The following NPAS3 variants were observed in gnomAD, a reference collection of about 807,000 sequenced individuals.
NPAS3 encodes neuronal PAS domain protein 3.
NPAS3 carries 14 observed loss-of-function variants against 73.1 expected under a neutral mutation model. The observed-to-expected ratio is 0.19, with a 90% CI of 0.13 to 0.30. The LOEUF (loss-of-function observed/expected upper bound fraction) is 0.30, where lower values mean the gene tolerates loss of function less well. Ranked by LOEUF, NPAS3 falls within the 10% of genes least tolerant of loss-of-function variation. NPAS3 has a pLI of 1.00. For synonymous variants in NPAS3, 620 were observed against 541.5 expected, an observed-to-expected ratio of 1.14 and a Z score of -2.01; for missense variants, 1,096 against 1,250.0, an observed-to-expected ratio of 0.88 and a Z score of 1.86.
intron 7 of NPAS3, among the ~76,000 whole-genome samples, chr14:33,756,116 T>A (rs534571050): frequency 6.6e-6 from 1 of 152,318 alleles, no homozygotes; most frequent in Admixed American, 6.5e-5. Context: ...ATTATCCAAC[T>A]TTGAGTTTGA....
chr14:33,617,813 C>T (rs973176721), intron 5 of NPAS3, among the ~76,000 whole-genome samples: 1 of 152,090 alleles, frequency 6.6e-6, no homozygotes, highest in African/African-American at 2.4e-5. Flanking sequence ...AGACAAAGAC[C>T]ATTCTTTCAT....
At chr14:32,944,621 C>A (rs953695525) in intron 1 of NPAS3, among the ~76,000 whole-genome samples, 1 of 152,040 alleles carries the variant, frequency 6.6e-6, no homozygotes. Flanking sequence ...ATTTTTACTG[C>A]GCTGAGCCTC....
intron 4 of NPAS3, among the ~76,000 whole-genome samples, chr14:33,471,867 C>T (rs1210576296): frequency 1.3e-5 from 2 of 152,338 alleles, no homozygotes; most frequent in East Asian, 3.9e-4. Flanking sequence ...TTTACAGCCG[C>T]TCCCTATCAC....
chr14:33,409,258 G>A (rs1171000536), intron 4 of NPAS3, among the ~76,000 whole-genome samples: 1 of 152,096 alleles, frequency 6.6e-6, no homozygotes, highest in Non-Finnish European at 1.5e-5. Flanking sequence ...CTGATTAGAG[G>A]TGCAGAAATA....
At position 33,772,810 on chromosome 14, in the gene NPAS3, G is replaced by A. The variant is rs555667168; in HGVS notation, c.853-1527G>A. Among the ~76,000 whole-genome samples, 40 of 152,198 alleles carry A rather than the reference G, an allele frequency of 2.6e-4. No individual in the cohort carries two copies. In the South Asian group the frequency reaches 8.3e-3, roughly 32 times the overall value. ...AACATCTTCAAATATTCATAAAGTA[G>A]CTCATCTGACCAAAGCTTAAAGCAA... is the stretch of plus-strand genomic sequence containing the variant. On this transcript the variant is annotated intron_variant, in intron 7 of 11. Coordinates refer to ENST00000356141, the Ensembl canonical transcript of NPAS3.
chr14:33,484,094 A>T (rs1428239848), intron 4 of NPAS3, among the ~76,000 whole-genome samples: 1 of 152,188 alleles, frequency 6.6e-6, no homozygotes, highest in Non-Finnish European at 1.5e-5. Context: ...TATATTTTTG[A>T]TAAGGGATGT....
At chr14:33,553,926 C>T (rs982770238) in intron 4 of NPAS3, among the ~76,000 whole-genome samples, 7 of 152,132 alleles carry the variant, frequency 4.6e-5, no homozygotes, top group African/African-American at 1.7e-4. Context: ...AGCAGTATAG[C>T]ATCACTTCCT....
chr14:33,094,036 G>A (rs535293750), intron 2 of NPAS3, among the ~76,000 whole-genome samples: 1 of 152,032 alleles, frequency 6.6e-6, no homozygotes, highest in South Asian at 2.1e-4. Context: ...TTTAATGGGT[G>A]CAGCACACCA....
intron 4 of NPAS3, among the ~76,000 whole-genome samples, chr14:33,509,832 C>T (rs1371899660): frequency 6.6e-6 from 1 of 152,018 alleles, no homozygotes; most frequent in Non-Finnish European, 1.5e-5. Flanking sequence ...TAGACGCTAT[C>T]AGACTATGTT....
intron 2 of NPAS3, among the ~76,000 whole-genome samples, chr14:33,069,297 CA>C (rs1303331794): frequency 6.6e-6 from 1 of 152,156 alleles, no homozygotes; most frequent in Non-Finnish European, 1.5e-5. Flanking sequence ...TGAAGCATGA[CA>C]AAAACTTATA....
intron 7 of NPAS3, among the ~76,000 whole-genome samples, chr14:33,766,247 C>G (rs1385869662): frequency 6.6e-6 from 1 of 152,162 alleles, no homozygotes; most frequent in African/African-American, 2.4e-5. Context: ...TAGGCCTTGA[C>G]TTCTTTCCTT....
chr14:33,438,765 TAAG>T (rs1278564679), intron 4 of NPAS3, among the ~76,000 whole-genome samples: 1 of 152,138 alleles, frequency 6.6e-6, no homozygotes, highest in African/African-American at 2.4e-5. Context: ...TAAGATAAAA[TAAG>T]AAACAATCAT....
intron 4 of NPAS3, among the ~76,000 whole-genome samples, chr14:33,414,927 A>G (rs1273122065): frequency 6.6e-6 from 1 of 152,142 alleles, no homozygotes; most frequent in East Asian, 1.9e-4. Flanking sequence ...AGACATTTGA[A>G]TGGTAGAATT....
intron 1 of NPAS3, among the ~76,000 whole-genome samples, chr14:33,052,112 T>C (rs1054974267): frequency 6.6e-6 from 1 of 152,146 alleles, no homozygotes. Context: ...TATAAGTAGG[T>C]TTTGAATTTC....
At chr14:33,161,672 G>A (rs1236902310) in intron 2 of NPAS3, among the ~76,000 whole-genome samples, 1 of 152,222 alleles carries the variant, frequency 6.6e-6, no homozygotes, top group Non-Finnish European at 1.5e-5. Context: ...GATAATGAGA[G>A]AGATCAATAG....
chr14:33,124,685 C>A (rs2043360903), intron 2 of NPAS3, among the ~76,000 whole-genome samples: 1 of 151,986 alleles, frequency 6.6e-6, no homozygotes, highest in African/African-American at 2.4e-5. Context: ...GGGAGAAAAC[C>A]TTAACTCAGG....
intron 3 of NPAS3, among the ~76,000 whole-genome samples, chr14:33,317,681 G>A (rs1255619170): frequency 6.6e-6 from 1 of 152,008 alleles, no homozygotes; most frequent in East Asian, 1.9e-4. Flanking sequence ...GAAGAAGGAT[G>A]TATTTGCTTC....
chr14:33,306,414 C>A (rs2042756307), intron 3 of NPAS3, among the ~76,000 whole-genome samples: 1 of 152,100 alleles, frequency 6.6e-6, no homozygotes, highest in Non-Finnish European at 1.5e-5. Flanking sequence ...TGACTTGTAC[C>A]CTAATGGCTT....
At chr14:33,402,729 G>A (rs545836817) in intron 4 of NPAS3, among the ~76,000 whole-genome samples, 1 of 152,270 alleles carries the variant, frequency 6.6e-6, no homozygotes, top group African/African-American at 2.4e-5. Flanking sequence ...TTTTATTCAG[G>A]TATGCTTTCC....
Sources: gnomAD v4.1 joint callset for allele counts (sites outside exome capture counted in the v4.1 genomes callset) on GRCh38, gnomAD v4.1.1 for gene constraint, MANE v1.5 for transcripts, NCBI Gene and HGNC (gene_info 2026-07-23, HGNC 2026-07-21) for gene names.